The following OR2T12 variants were observed in gnomAD, a reference collection of about 807,000 sequenced individuals.
OR2T12 encodes olfactory receptor family 2 subfamily T member 12, also known as olfactory receptor 2T12.
For missense variants in OR2T12, 335 were observed against 404.3 expected (o/e 0.83, Z 1.47); for synonymous variants, 127 against 160.5 (o/e 0.79, Z 1.58).
intron 2 of OR2T12, among the ~76,000 whole-genome samples, chr1:248,298,595 G>C (rs1161241274): frequency 6.6e-6 from 1 of 150,984 alleles, no homozygotes; most frequent in East Asian, 1.9e-4. Flanking sequence ...TGTATGTGTC[G>C]AGGAATTTAT....
rs1422787812 is a variant in OR2T12 at position 248,293,073 on chromosome 1, TA to T, written c.*1542del. The T allele has an allele frequency of 6.6e-6, 1 of 152,094 alleles. No individual in the cohort carries two copies. The highest frequency in any genetic ancestry group is 1.5e-5 in the Non-Finnish European group (1 of 67,978). 9.4% of individuals were successfully genotyped at this position (152,094 alleles called of 1,614,324 possible). On this transcript the variant is annotated 3_prime_UTR_variant, in exon 3 of 3. Coordinates refer to ENST00000641276, the MANE Select transcript of OR2T12 (RefSeq NM_001004692.2). ...AACAAGAGTAGGAAACTCTTAGTCT[TA>T]AACAGATGACACTCTCTCCTGTCAT...
At chr1:248,300,073 C>T (rs1659793201) in intron 2 of OR2T12, among the ~76,000 whole-genome samples, 1 of 151,952 alleles carries the variant, frequency 6.6e-6, no homozygotes, top group African/African-American at 2.4e-5. Flanking sequence ...GCACATTGTG[C>T]ACATGTACCC....
In OR2T12 at chr1:248,298,063, G is replaced by A. The variant is rs370193079; in HGVS notation, c.-8-2477C>T. Among the ~76,000 whole-genome samples, 176 of 152,216 alleles carry A rather than the reference G, an allele frequency of 1.2e-3. 1 individual carries two copies. The highest frequency in any genetic ancestry group is 3.1e-3 in the African/African-American group (130 of 41,486). On this transcript the variant is annotated intron_variant, in intron 2 of 2. Transcript: ENST00000641276. ...TTATTGAGAGTTTTTAGCGTGAAGC[G>A]TTGTTGAAATTTGTCAAAGGCCTTT...
chr1:248,291,949 A>G lies in OR2T12; in HGVS notation c.*2667T>C, dbSNP rs567826116. On this transcript the variant is annotated 3_prime_UTR_variant, in exon 3 of 3. Transcript: ENST00000641276. ...AAAATCACTCAAGATGAAGACTTAA[A>G]CATAAAACATAAAACCATAAAAACC... 4 of 152,260 alleles carry G rather than the reference A, an allele frequency of 2.6e-5. No individual in the cohort carries two copies. Among genetic ancestry groups the G allele is most frequent in the African/African-American group, 7.2e-5 (3 of 41,556 alleles). 9.4% of individuals were successfully genotyped at this position (152,260 alleles called of 1,614,324 possible).
At chr1:248,300,248 A>T (rs1471400378) in intron 2 of OR2T12, among the ~76,000 whole-genome samples, 1 of 152,200 alleles carries the variant, frequency 6.6e-6, no homozygotes, top group South Asian at 2.1e-4. Context: ...AGCTTCAGTC[A>T]GCATGTGACC....
Position 248,290,455 on chromosome 1 carries a change from T to A in OR2T12, c.*4161A>T, listed in dbSNP as rs896895592. The A allele has an allele frequency of 1.3e-5, 2 of 152,234 alleles. No individual in the cohort carries two copies. The highest frequency in any genetic ancestry group is 2.9e-5 in the Non-Finnish European group (2 of 68,052). The allele number at this position is 152,234 out of a possible 1,614,324, so 9.4% of individuals were successfully genotyped here. ...TATGTGCCACAGCTACTTTAGCCAG[T>A]CTATCATTGATGGGCTTTTGGGTTG... On this transcript the variant is annotated 3_prime_UTR_variant, in exon 3 of 3. Coordinates refer to ENST00000641276, the MANE Select transcript of OR2T12 (RefSeq NM_001004692.2).
chr1:248,298,323 G>T (rs866794852), intron 2 of OR2T12, among the ~76,000 whole-genome samples: 2,933 of 152,106 alleles, frequency 0.019, 86 homozygotes, highest in African/African-American at 0.067. Context: ...TTTTTTGGTT[G>T]TGTCTCTGCC....
intron 2 of OR2T12, among the ~76,000 whole-genome samples, chr1:248,298,974 C>G (rs369153199): frequency 6.6e-6 from 1 of 152,244 alleles, no homozygotes; most frequent in East Asian, 1.9e-4. Flanking sequence ...ACTTTACAGA[C>G]AAGCAAATGC....
In OR2T12 at chr1:248,293,306, T is replaced by G. The variant is rs1306731309; in HGVS notation, c.*1310A>C. On this transcript the variant is annotated 3_prime_UTR_variant, in exon 3 of 3. Coordinates refer to ENST00000641276, the MANE Select transcript of OR2T12 (RefSeq NM_001004692.2). ...GGTTGGTCTGAAATGGCGGGTTAAC[T>G]TTCAGACACTTATATTGAAGATACA... 6.6e-6 allele frequency: 1 copy of G among 152,160 alleles called. No homozygotes were observed. The highest frequency in any genetic ancestry group is 1.5e-5 in the Non-Finnish European group (1 of 68,004). 9.4% of individuals were successfully genotyped at this position (152,160 alleles called of 1,614,324 possible).
In OR2T12 at chr1:248,295,288, C is replaced by T. The variant is rs774558364; in HGVS notation, c.291G>A (p.Val97=). The change falls in exon 3 of 3, where the codon GTG becomes GTA. Residue 97 remains valine (V), a synonymous_variant. Coordinates refer to ENST00000641276, the MANE Select transcript of OR2T12 (RefSeq NM_001004692.2). ...CCAGTGTGGGGAGGAAGAAGATCTG[C>T]ACACCACAGCCAGCGCGGGAGATGG... The part of the protein sequence containing the change: ...NKAISRAGCG[V]QIFFLPTLGG... The T allele has an allele frequency of 3.1e-6, 5 of 1,608,860 alleles. No individual in the cohort carries two copies. The highest frequency in any genetic ancestry group is 1.1e-5 in the South Asian group (1 of 90,790).
At position 248,293,863 on chromosome 1, in the gene OR2T12, T is replaced by C. The variant is rs1262630265; in HGVS notation, c.*753A>G. The C allele has an allele frequency of 7.0e-6, 1 of 142,470 alleles. No homozygotes were observed. The highest frequency in any genetic ancestry group is 1.5e-5 in the Non-Finnish European group (1 of 66,016). 8.8% of individuals were successfully genotyped at this position (142,470 alleles called of 1,614,324 possible). ...TCTTGGAAAAGATAAATATTACTTA[T>C]ATAAAAAATTACATGAATTTAAAAA... On this transcript the variant is annotated 3_prime_UTR_variant, in exon 3 of 3. Coordinates refer to ENST00000641276, the MANE Select transcript of OR2T12 (RefSeq NM_001004692.2).
Position 248,294,698 on chromosome 1 carries a change from T to G in OR2T12, c.881A>C (p.Glu294Ala). 1 of 1,614,164 alleles carries G rather than the reference T, an allele frequency of 6.2e-7. No homozygotes were observed. Among genetic ancestry groups the G allele is most frequent in the Non-Finnish European group, 8.5e-7 (1 of 1,180,042 alleles). ...CCACCGTTTCAGGGCTTCCTTGACC[T>G]CACTGTTCCTCACACTGTAGATGAG... ...NPLIYSVRNSEVKEALKRWLG... is the reference protein window; with the variant it reads ...NPLIYSVRNSAVKEALKRWLG... Residue 294 changes from glutamate (E) to alanine (A), a missense_variant, in exon 3 of 3, where the codon GAG (glutamate) becomes GCG (alanine). Coordinates refer to ENST00000641276, the MANE Select transcript of OR2T12 (RefSeq NM_001004692.2).
At chr1:248,295,687 T>A (rs1485481603) in intron 2 of OR2T12, 101 bp from the exon 3 acceptor site, 1 of 1,458,282 alleles carries the variant, frequency 6.9e-7, no homozygotes, top group Admixed American at 2.3e-5. Context: ...ACTGGATATG[T>A]TATCCCAGGT....
At chr1:248,298,093 C>T (rs1659761400) in intron 2 of OR2T12, among the ~76,000 whole-genome samples, 1 of 152,066 alleles carries the variant, frequency 6.6e-6, no homozygotes, top group South Asian at 2.1e-4. Flanking sequence ...GCCTTTTCTG[C>T]ATCTATTGAC....
chr1:248,292,041 C>T lies in OR2T12; in HGVS notation c.*2575G>A, dbSNP rs1659641168. The T allele has an allele frequency of 6.6e-6, 1 of 152,072 alleles. No homozygotes were observed. Among genetic ancestry groups the T allele is most frequent in the African/African-American group, 2.4e-5 (1 of 41,402 alleles). 9.4% of individuals were successfully genotyped at this position (152,072 alleles called of 1,614,324 possible). Reference sequence around the variant, plus strand: ...GGGCAAAGACTTCATGACTAAAACACCAAAGCAATGGCAACAAAAGCCAAA... The same window carrying T: ...GGGCAAAGACTTCATGACTAAAACATCAAAGCAATGGCAACAAAAGCCAAA... On this transcript the variant is annotated 3_prime_UTR_variant, in exon 3 of 3. Transcript: ENST00000641276.
Position 248,293,617 on chromosome 1 carries a change from C to T in OR2T12, c.*999G>A, listed in dbSNP as rs1452053039. 2 of 152,096 alleles carry T rather than the reference C, an allele frequency of 1.3e-5. No individual in the cohort carries two copies. The highest frequency in any genetic ancestry group is 3.8e-4 in the East Asian group (2 of 5,202). The allele number at this position is 152,096 out of a possible 1,614,324, so 9.4% of individuals were successfully genotyped here. Reference sequence around the variant, plus strand: ...TCAGAAATATCTCTACTTACCTATGCCTTGGGAGAAGTAAGGTAACCCAAT... The same window carrying T: ...TCAGAAATATCTCTACTTACCTATGTCTTGGGAGAAGTAAGGTAACCCAAT... On this transcript the variant is annotated 3_prime_UTR_variant, in exon 3 of 3. Coordinates refer to ENST00000641276, the MANE Select transcript of OR2T12 (RefSeq NM_001004692.2).
chr1:248,297,940 G>A (rs893846688), intron 2 of OR2T12, among the ~76,000 whole-genome samples: 2 of 150,474 alleles, frequency 1.3e-5, no homozygotes, highest in South Asian at 2.1e-4. Flanking sequence ...GTTTTCAAAG[G>A]GAATGCTTCC....
rs1390508192 is a variant in OR2T12 at position 248,301,539 on chromosome 1, A to T, written c.-175T>A. On this transcript the variant is annotated 5_prime_UTR_variant, in exon 2 of 3. Coordinates refer to ENST00000641276, the MANE Select transcript of OR2T12 (RefSeq NM_001004692.2). ...TGAAATATCATTGCAACTCCAAGTT[A>T]TCCAGGACTCTTCACTGCCAAAAAA... is the stretch of plus-strand genomic sequence containing the variant. 6.6e-6 allele frequency: 1 copy of T among 152,096 alleles called. No individual in the cohort carries two copies. Among genetic ancestry groups the T allele is most frequent in the Non-Finnish European group, 1.5e-5 (1 of 67,948 alleles). The allele number at this position is 152,096 out of a possible 1,614,324, so 9.4% of individuals were successfully genotyped here.
chr1:248,300,207 G>T (rs905672730), intron 2 of OR2T12, among the ~76,000 whole-genome samples: 2 of 152,128 alleles, frequency 1.3e-5, no homozygotes, highest in African/African-American at 4.8e-5. Context: ...AACATCAGAA[G>T]TCTTTTACAG....
Sources: allele counts gnomAD v4.1 joint callset (sites outside exome capture counted in the v4.1 genomes callset), GRCh38; gene constraint gnomAD v4.1.1; transcripts MANE v1.5; gene names NCBI Gene and HGNC (gene_info 2026-07-23, HGNC 2026-07-21).